RILPL1: variants seen among roughly 807,000 people sequenced by gnomAD.
The protein encoded by RILPL1 is RILP-like protein 1.
In RILPL1, 33 loss-of-function variants were observed where a neutral mutation model predicts 50.3. That is an observed-to-expected ratio of 0.66 (90% CI 0.50 to 0.88). The LOEUF (loss-of-function observed/expected upper bound fraction) is 0.88. Among genes scored for constraint, RILPL1 ranks in the 40% least tolerant of loss-of-function variants. RILPL1 has a pLI of 0.00. For synonymous variants in RILPL1, 205 were observed against 228.6 expected (o/e 0.90, Z 0.93); for missense variants, 418 against 542.5 (o/e 0.77, Z 2.28).
intron 6 of RILPL1, among the ~76,000 whole-genome samples, chr12:123,477,502 C>T (rs557023821): frequency 6.6e-6 from 1 of 151,946 alleles, no homozygotes; most frequent in Non-Finnish European, 1.5e-5. Context: ...CCCTGCTGGG[C>T]TAATTTTTGT....
At chr12:123,532,317 C>T (rs914147607) in intron 1 of RILPL1, among the ~76,000 whole-genome samples, 1 of 152,180 alleles carries the variant, frequency 6.6e-6, no homozygotes. Flanking sequence ...GAAACCTCGT[C>T]TGAACTCCAG....
chr12:123,503,649 T>G (rs781283471), intron 2 of RILPL1, among the ~76,000 whole-genome samples: 15 of 152,022 alleles, frequency 9.9e-5, no homozygotes, highest in Non-Finnish European at 2.2e-4. Context: ...GCCTCCATCT[T>G]ACAAGGACAC....
rs564091212 is a variant in RILPL1, at chr12:123,472,423, T to C, written c.*115A>G. Reference sequence around the variant, plus strand: ...TCAGACAGTCTGTTTGAGGGGTCAGTTTTCAGGGTGCATCTGCACCGAGAG... The same window carrying C: ...TCAGACAGTCTGTTTGAGGGGTCAGCTTTCAGGGTGCATCTGCACCGAGAG... On this transcript the variant is annotated 3_prime_UTR_variant, in exon 7 of 7. Transcript: ENST00000376874. The C allele has an allele frequency of 6.1e-4, 715 of 1,166,540 alleles. No homozygotes were observed. Among genetic ancestry groups the C allele is most frequent in the Non-Finnish European group, 8.2e-4 (682 of 832,750 alleles). 72.3% of individuals were successfully genotyped at this position (1,166,540 alleles called of 1,614,324 possible).
At chr12:123,504,426 C>G (rs1012545107) in intron 2 of RILPL1, among the ~76,000 whole-genome samples, 2 of 152,186 alleles carry the variant, frequency 1.3e-5, no homozygotes, top group Admixed American at 6.5e-5. Flanking sequence ...GTTTCCAGAA[C>G]AGCAGGCGAC....
Position 123,491,345 on chromosome 12 carries a change from C to T in RILPL1, c.802-5540G>A, listed in dbSNP as rs931031095. 2.0e-5 allele frequency among the ~76,000 whole-genome samples: 3 copies of T among 152,134 alleles called. No individual in the cohort carries two copies. Among genetic ancestry groups the T allele is most frequent in the African/African-American group, 4.8e-5 (2 of 41,428 alleles). ...AGGTACTCTGGGCACAGCTTCAGAG[C>T]GATACCCTGAGGCCTCAGCTGCTTC... On this transcript the variant is annotated intron_variant, in intron 4 of 6. Transcript: ENST00000376874. This position sits in a 1 kb window ranked among gnomAD's most constrained non-coding sequence, Gnocchi z 4.0.
At chr12:123,520,485 G>A (rs1427323486) in intron 2 of RILPL1, among the ~76,000 whole-genome samples, 2 of 152,176 alleles carry the variant, frequency 1.3e-5, no homozygotes, top group Non-Finnish European at 2.9e-5. Context: ...CTTGAACCTG[G>A]GAGGTGGAGG....
At chr12:123,493,103 T>C (rs1268942094) in intron 4 of RILPL1, among the ~76,000 whole-genome samples, 2 of 152,018 alleles carry the variant, frequency 1.3e-5, no homozygotes, top group Non-Finnish European at 2.9e-5. Context: ...GGCATCTGTC[T>C]CCTGCCTGTC....
In RILPL1 at chr12:123,533,526, C is replaced by T. The variant is rs983522600; in HGVS notation, c.-44G>A. The T allele has an allele frequency of 7.7e-6, 11 of 1,431,614 alleles. No homozygotes were observed. Among genetic ancestry groups the T allele is most frequent in the African/African-American group, 2.9e-5 (2 of 68,742 alleles). The allele number at this position is 1,431,614 out of a possible 1,614,324, so 88.7% of individuals were successfully genotyped here. A position where few individuals can be genotyped will look rare whatever the true frequency, so the allele number is the denominator to read the frequency against. On this transcript the variant is annotated 5_prime_UTR_variant, in exon 1 of 7. Coordinates refer to ENST00000376874, the MANE Select transcript of RILPL1 (RefSeq NM_178314.5). This position sits in a 1 kb window ranked among gnomAD's most constrained non-coding sequence, Gnocchi z 6.2. ...TCCCCCGCCCCGCAAACTCGTGCAA[C>T]TCCCAAACTTGCCGCTGTCGAGGGC...
chr12:123,505,699 T>C (rs761228715), intron 2 of RILPL1, among the ~76,000 whole-genome samples: 16 of 152,166 alleles, frequency 1.1e-4, no homozygotes, highest in Non-Finnish European at 2.1e-4. Flanking sequence ...CACAGCTCAC[T>C]GCAACCTCTG....
Position 123,498,840 on chromosome 12 carries a change from C to T in RILPL1, c.580-75G>A. 7.3e-7 allele frequency: 1 copy of T among 1,373,132 alleles called. No individual in the cohort carries two copies. The highest frequency in any genetic ancestry group is 1.0e-6 in the Non-Finnish European group (1 of 973,328). The allele number at this position is 1,373,132 out of a possible 1,614,324, so 85.1% of individuals were successfully genotyped here. On this transcript the variant is annotated intron_variant, in intron 3 of 6. Transcript: ENST00000376874. This position sits in a 1 kb window ranked among gnomAD's most constrained non-coding sequence, Gnocchi z 4.3. ...AGGTTGTACACTGCACAACGGCAAA[C>T]CATCCATAGGTGTGCCATTTACATT...
chr12:123,472,431 G>T lies in RILPL1; in HGVS notation c.*107C>A. On this transcript the variant is annotated 3_prime_UTR_variant, in exon 7 of 7. Coordinates refer to ENST00000376874, the MANE Select transcript of RILPL1 (RefSeq NM_178314.5). Reference sequence around the variant, plus strand: ...TCTGTTTGAGGGGTCAGTTTTCAGGGTGCATCTGCACCGAGAGGCTTGAGG... The same window carrying T: ...TCTGTTTGAGGGGTCAGTTTTCAGGTTGCATCTGCACCGAGAGGCTTGAGG... 1 of 1,228,332 alleles carries T rather than the reference G, an allele frequency of 8.1e-7. No individual in the cohort carries two copies. Among genetic ancestry groups the T allele is most frequent in the Non-Finnish European group, 1.1e-6 (1 of 882,650 alleles). 76.1% of individuals were successfully genotyped at this position (1,228,332 alleles called of 1,614,324 possible).
chr12:123,511,708 CTGTGTGTGTGTGAGGTT>C (rs1884247128), intron 2 of RILPL1, among the ~76,000 whole-genome samples: 1 of 63,062 alleles, frequency 1.6e-5, no homozygotes, highest in Non-Finnish European at 2.9e-5. Context: ...GGTGTGAGAT[CTGTGTGTGTGTGAGGTT>C]TGTGTGTGTG....
intron 1 of RILPL1, among the ~76,000 whole-genome samples, chr12:123,529,263 G>A (rs1885367826): frequency 6.6e-6 from 1 of 151,900 alleles, no homozygotes; most frequent in Non-Finnish European, 1.5e-5. Context: ...ATGTCTCCCA[G>A]TTTTATTTTC....
chr12:123,527,902 C>G (rs756789017), intron 1 of RILPL1, among the ~76,000 whole-genome samples: 2 of 152,090 alleles, frequency 1.3e-5, no homozygotes. Flanking sequence ...CCACAGCCCC[C>G]CAAAGGAGTG....
intron 1 of RILPL1, among the ~76,000 whole-genome samples, chr12:123,523,995 C>A (rs1289767430): frequency 1.3e-5 from 2 of 152,188 alleles, no homozygotes; most frequent in African/African-American, 2.4e-5. Context: ...GGGGGCACAC[C>A]CCCTGATCTC....
At chr12:123,480,195 C>G (rs77735917) in intron 6 of RILPL1, among the ~76,000 whole-genome samples, 2,717 of 141,878 alleles carry the variant, frequency 0.019, 71 homozygotes, top group African/African-American at 0.063. Context: ...GGGTATCGCT[C>G]TGTTGTCCAG....
Position 123,491,108 on chromosome 12 carries a change from TCTC to T in RILPL1, c.802-5306_802-5304del, listed in dbSNP as rs1882663271. On this transcript the variant is annotated intron_variant, in intron 4 of 6. Coordinates refer to ENST00000376874, the MANE Select transcript of RILPL1 (RefSeq NM_178314.5). The surrounding 1 kb of genome is among the most constrained non-coding windows in gnomAD (Gnocchi z 4.0). ...AGAAGGACAGCCCTGGGCTCCAGCT[TCTC>T]GAGAGGCCACCAGGCAGTGACCGCA... 6.6e-6 allele frequency among the ~76,000 whole-genome samples: 1 copy of T among 152,168 alleles called. No homozygotes were observed. Among genetic ancestry groups the T allele is most frequent in the Non-Finnish European group, 1.5e-5 (1 of 68,022 alleles).
At chr12:123,484,871 G>T in intron 5 of RILPL1, 1 of 249,428 alleles carries the variant, frequency 4.0e-6, no homozygotes, top group Non-Finnish European at 8.2e-6. Context: ...TGTTGCCCAG[G>T]CTGGTTTCGA....
rs570383928 is a variant in RILPL1 at position 123,484,224 on chromosome 12, G to A, written c.1023C>T (p.Ala341=). The A allele has an allele frequency of 6.8e-6, 11 of 1,612,122 alleles. No individual in the cohort carries two copies. In the Admixed American group the frequency reaches 1.8e-4, roughly 27 times the overall value. The change falls in exon 6 of 7, where the codon GCC becomes GCT. Residue 341 remains alanine, a synonymous_variant. Coordinates refer to ENST00000376874, the MANE Select transcript of RILPL1 (RefSeq NM_178314.5). ...CCGGCTGGGGGGACGTCCTCGGGTG[G>A]GCGATGGGTGGGGGTTGGGGTATTC... ...ENRIPQPPPI[A]HPRTSPQPES...
Sources: gnomAD v4.1 joint callset for allele counts (sites outside exome capture counted in the v4.1 genomes callset) on GRCh38, gnomAD v4.1.1 for gene constraint, Gnocchi (gnomAD v3.1) non-coding constraint, MANE v1.5 for transcripts, NCBI Gene and HGNC (gene_info 2026-07-23, HGNC 2026-07-21) for gene names.